Variants in LINS1 observed in about 807,000 individuals in gnomAD.
LINS1 encodes the protein protein Lines homolog 1.
LINS1 carries 27 observed loss-of-function variants against 41.6 expected under a neutral mutation model. The ratio of observed to expected loss-of-function variants is 0.65; its 90% confidence interval spans 0.48 to 0.89. The LOEUF is 0.89. Among genes scored for constraint, LINS1 ranks in the 40% least tolerant of loss-of-function variants. The probability of loss-of-function intolerance (pLI) is 0.00; values close to 1 mark genes in which losing one functional copy is unlikely to be tolerated. For missense variants in LINS1, 955 were observed against 884.1 expected, an observed-to-expected ratio of 1.08 and a Z score of -1.02; for synonymous variants, 336 against 312.9, an observed-to-expected ratio of 1.07 and a Z score of -0.78.
chr15:100,571,735 A>T (rs756528354), intron 6 of LINS1, among the ~76,000 whole-genome samples, 159 bp downstream of exon 6: 3 of 152,218 alleles, frequency 2.0e-5, no homozygotes, highest in Non-Finnish European at 2.9e-5. Context: ...ATACAAATGC[A>T]ATCTCCTTTT....
At chr15:100,588,198 A>G (rs996601974) in intron 1 of LINS1, among the ~76,000 whole-genome samples, 2 of 152,196 alleles carry the variant, frequency 1.3e-5, no homozygotes, top group African/African-American at 4.8e-5. Flanking sequence ...AAGCGTGTGT[A>G]GGGCCCCAAA....
At position 100,569,072 on chromosome 15, in the gene LINS1, C is replaced by A. The variant is rs192146284; in HGVS notation, c.*166G>T. 5.1e-5 allele frequency: 25 copies of A among 486,314 alleles called. No homozygotes were observed. Among genetic ancestry groups the A allele is most frequent in the Non-Finnish European group, 8.3e-5 (23 of 277,518 alleles). 30.1% of individuals were successfully genotyped at this position (486,314 alleles called of 1,614,324 possible). A position where few individuals can be genotyped will look rare whatever the true frequency, so the allele number is the denominator to read the frequency against. On this transcript the variant is annotated 3_prime_UTR_variant, in exon 7 of 7. Coordinates refer to ENST00000314742, the MANE Select transcript of LINS1 (RefSeq NM_001040616.3). ...CCAGGAGGTGGAGGTTGCAGTGAGT[C>A]GAGTCACGCCACTGCACTCCGGCCT...
rs1131691716 is a variant in LINS1, at chr15:100,573,777, C to T, written c.1096G>A (p.Glu366Lys). Reference protein sequence around the residue: ...YEKHSFFGGDEVQPECELITS... With the variant: ...YEKHSFFGGDKVQPECELITS... ...ATAAGTTCACATTCAGGTTGAACTT[C>T]ATCACCTCCAAAAAAGGAATGTTTT... The change falls in exon 5 of 7, where the codon GAA (glutamate) becomes AAA (lysine). Residue 366 changes from glutamate to lysine, a missense_variant. Transcript: ENST00000314742. The T allele has an allele frequency of 3.1e-6, 5 of 1,614,160 alleles. No homozygotes were observed. Among genetic ancestry groups the T allele is most frequent in the Non-Finnish European group, 4.2e-6 (5 of 1,179,990 alleles).
At chr15:100,591,359 G>A (rs2039029922) in intron 1 of LINS1, among the ~76,000 whole-genome samples, 1 of 152,182 alleles carries the variant, frequency 6.6e-6, no homozygotes, top group Non-Finnish European at 1.5e-5. Context: ...ATCATGCACT[G>A]ACACCAGAAA....
chr15:100,592,748 T>A (rs114488971), intron 1 of LINS1, among the ~76,000 whole-genome samples: 270 of 152,306 alleles, frequency 1.8e-3, no homozygotes, highest in African/African-American at 6.3e-3. Flanking sequence ...GGGCCTGTAA[T>A]CTTAGATGGA....
Position 100,569,938 on chromosome 15 carries a change from A to G in LINS1, c.1574T>C (p.Val525Ala). The change falls in exon 7 of 7, where the codon GTT becomes GCT. Residue 525 changes from valine (V) to alanine (A), a missense_variant. Val to Ala is a moderately conservative substitution (Grantham distance 64). Transcript: ENST00000314742. ...SSETCFLEYF[V>A]RYLKLLQKDW... The stretch of plus-strand genomic sequence containing the variant: ...CTTTTGCAGTAATTTTAAATATCTA[A>G]CAAAATATTCAAGAAAACAGGTTTC... 1 of 1,594,358 alleles carries G rather than the reference A, an allele frequency of 6.3e-7. No individual in the cohort carries two copies.
At chr15:100,572,289 G>A (rs1315025741) in intron 5 of LINS1, 86 of 1,335,544 alleles carry the variant, frequency 6.4e-5, no homozygotes, top group Non-Finnish European at 7.9e-5. Flanking sequence ...CATTTAAAAT[G>A]TACAGCTACA....
rs755835615 is a variant in LINS1, at chr15:100,569,692, T to C, written c.1820A>G (p.Lys607Arg). The change falls in exon 7 of 7, where the codon AAG becomes AGG. Residue 607 changes from lysine (K) to arginine (R), a missense_variant. Lys to Arg is a conservative substitution (Grantham distance 26, BLOSUM62 2). Coordinates refer to ENST00000314742, the MANE Select transcript of LINS1 (RefSeq NM_001040616.3). ...PSEPLKAVMSKGAHTMCASSL... is the reference protein window; with the variant it reads ...PSEPLKAVMSRGAHTMCASSL... ...AGAAGCACACATGGTGTGAGCCCCC[T>C]TGGACATCACAGCTTTCAGTGGTTC... 66 of 1,613,724 alleles carry C rather than the reference T, an allele frequency of 4.1e-5. No individual in the cohort carries two copies. The highest frequency in any genetic ancestry group is 5.2e-5 in the Non-Finnish European group (61 of 1,179,830).
At chr15:100,586,041 T>C (rs2038788190) in intron 1 of LINS1, among the ~76,000 whole-genome samples, 1 of 152,226 alleles carries the variant, frequency 6.6e-6, no homozygotes, top group Admixed American at 6.5e-5. Flanking sequence ...GGAAAATATC[T>C]TGGGCCCCCA....
intron 1 of LINS1, among the ~76,000 whole-genome samples, chr15:100,584,554 A>C (rs1233491835): frequency 1.3e-5 from 2 of 150,904 alleles, no homozygotes; most frequent in Admixed American, 1.3e-4. Flanking sequence ...ATTCAAAATC[A>C]GCCTTTAGAG....
In LINS1 at chr15:100,582,934, T is replaced by C. The variant is rs1422682610; in HGVS notation, c.-103-1989A>G. On this transcript the variant is annotated intron_variant, in intron 1 of 6. Coordinates refer to ENST00000314742, the MANE Select transcript of LINS1 (RefSeq NM_001040616.3). ...TATACTGGGTCTTCCATCTACACTA[T>C]GGCCCACTAGCCTAGTCTTGGTCTT... Among the ~76,000 whole-genome samples, 7 of 149,916 alleles carry C rather than the reference T, an allele frequency of 4.7e-5. No homozygotes were observed. The South Asian group carries it at 6.4e-4, about 14-fold the overall frequency.
intron 1 of LINS1, among the ~76,000 whole-genome samples, chr15:100,591,607 T>G (rs1171483231): frequency 2.6e-5 from 4 of 151,952 alleles, no homozygotes; most frequent in East Asian, 1.9e-4. Flanking sequence ...CTAGGTTTTG[T>G]TTTTTTTCCG....
chr15:100,576,311 A>G (rs1596901763), intron 3 of LINS1, among the ~76,000 whole-genome samples: 1 of 152,246 alleles, frequency 6.6e-6, no homozygotes, highest in African/African-American at 2.4e-5. Flanking sequence ...GAGAAGAATC[A>G]AATAGACGCA....
Position 100,580,744 on chromosome 15 carries a change from GT to G in LINS1, c.98del (p.Asn33ThrfsTer15). 3 of 1,610,580 alleles carry G rather than the reference GT, an allele frequency of 1.9e-6. No individual in the cohort carries two copies. The highest frequency in any genetic ancestry group is 2.2e-5 in the South Asian group (2 of 90,958). On this transcript the variant is annotated frameshift_variant, in exon 2 of 7. Transcript: ENST00000314742. LOFTEE classifies it high-confidence loss of function. ...NDSHDYIFYL[N>X]PAVSDQDCST... ...AACAATCTTGATCTGAAACTGCTGG[GT>G]TGAGATAAAAGATGTAATCATGGCT...
intron 4 of LINS1, 22 bp from the exon 5 acceptor site, chr15:100,574,263 T>G (rs1337900984): frequency 6.9e-7 from 1 of 1,443,540 alleles, no homozygotes; most frequent in Non-Finnish European, 9.7e-7. Context: ...AAAATAGGAA[T>G]TATAAACAGG....
chr15:100,594,071 G>A (rs1450084137), intron 1 of LINS1, among the ~76,000 whole-genome samples: 1 of 151,972 alleles, frequency 6.6e-6, no homozygotes, highest in Non-Finnish European at 1.5e-5. Context: ...GGCAAAAAAT[G>A]GCATAATATT....
rs1418770031 is a variant in LINS1, at chr15:100,569,967, T to C, written c.1545A>G (p.Ser515=). Reference sequence around the variant, plus strand: ...AATATTCAAGAAAACAGGTTTCTGATGAAATCAAAAAGTCAAGAAGAACTG... The same window carrying C: ...AATATTCAAGAAAACAGGTTTCTGACGAAATCAAAAAGTCAAGAAGAACTG... ...DSTVLLDFLI[S]SETCFLEYFV... is the part of the protein sequence containing the mutation. Residue 515 remains serine (S), a synonymous_variant, in exon 7 of 7, where the codon TCA becomes TCG. Transcript: ENST00000314742. 1.3e-6 allele frequency: 2 copies of C among 1,577,130 alleles called. No individual in the cohort carries two copies. Among genetic ancestry groups the C allele is most frequent in the Non-Finnish European group, 1.7e-6 (2 of 1,161,916 alleles).
intron 1 of LINS1, among the ~76,000 whole-genome samples, chr15:100,601,650 T>A (rs1160435902): frequency 6.6e-6 from 1 of 152,138 alleles, no homozygotes; most frequent in African/African-American, 2.4e-5. Flanking sequence ...GATAATTTTG[T>A]GTTTGTTTCC....
chr15:100,598,143 T>C (rs951676498), intron 1 of LINS1, among the ~76,000 whole-genome samples: 1 of 152,216 alleles, frequency 6.6e-6, no homozygotes, highest in Non-Finnish European at 1.5e-5. Flanking sequence ...TCTTACAGAA[T>C]GTGTCACAAT....
Sources: allele counts gnomAD v4.1 joint callset (sites outside exome capture counted in the v4.1 genomes callset), GRCh38; gene constraint gnomAD v4.1.1; transcripts MANE v1.5; gene names NCBI Gene and HGNC (gene_info 2026-07-23, HGNC 2026-07-21).